The following RNLS variants were observed in gnomAD, a reference collection of about 807,000 sequenced individuals.
RNLS encodes renalase.
Under a neutral mutation model 39.8 loss-of-function variants are expected in RNLS, and 39 were observed. The ratio of observed to expected loss-of-function variants is 0.98; its 90% CI spans 0.76 to 1.28. The LOEUF (loss-of-function observed/expected upper bound fraction) is 1.28. Among genes scored for constraint, RNLS ranks in the 50% most tolerant of loss-of-function variants. The pLI is 0.00. For synonymous variants in RNLS, 147 were observed against 150.7 expected (o/e 0.98, Z 0.18); for missense variants, 410 against 413.3 (o/e 0.99, Z 0.07).
In RNLS at chr10:88,575,151, TATATATATACACAC is replaced by T. The variant is rs1347217168; in HGVS notation, c.368-2104_368-2091del. ...ATATATATATATATATATATATATA[TATATATATACACAC>T]ACACACACACACACATATTATATAT... On this transcript the variant is annotated intron_variant, in intron 3 of 6. Coordinates refer to ENST00000331772, the MANE Select transcript of RNLS (RefSeq NM_001031709.3). 0.014 allele frequency among the ~76,000 whole-genome samples: 656 copies of T among 46,770 alleles called. 10 individuals carry two copies. The East Asian group carries it at 0.15, about 10-fold the overall frequency. 30.7% of individuals were successfully genotyped at this position (46,770 alleles called of 152,430 possible).
In RNLS at chr10:88,465,315, C is replaced by T. The variant is rs1016132882; in HGVS notation, c.527-102590G>A. ...TTAAATTTTGTTTATTTATTCATCT[C>T]GTCATTGATTTACATAACAAATAAT... On this transcript the variant is annotated intron_variant, in intron 4 of 6. Coordinates refer to ENST00000331772, the MANE Select transcript of RNLS (RefSeq NM_001031709.3). Among the ~76,000 whole-genome samples, 6 of 152,042 alleles carry T rather than the reference C, an allele frequency of 3.9e-5. No individual in the cohort carries two copies. The East Asian group carries it at 5.8e-4, about 15-fold the overall frequency.
intron 4 of RNLS, among the ~76,000 whole-genome samples, chr10:88,389,586 G>C (rs1429749735): frequency 4.0e-5 from 1 of 24,990 alleles, no homozygotes; most frequent in Non-Finnish European, 8.2e-5. Flanking sequence ...GATCCTTTTA[G>C]GGATTTCTTA....
At chr10:88,199,726 G>C in the RNLS span, among the ~76,000 whole-genome samples, 1 of 152,238 alleles carries the variant, frequency 6.6e-6, no homozygotes, top group Non-Finnish European at 1.5e-5. Context: ...TTTTTGGTGA[G>C]AAGTAGAGGG....
At chr10:88,437,851 G>A (rs1020851518) in intron 4 of RNLS, among the ~76,000 whole-genome samples, 1 of 152,166 alleles carries the variant, frequency 6.6e-6, no homozygotes, top group African/African-American at 2.4e-5. Context: ...AGGAGGCCGG[G>A]CGTGGTGGCT....
intron 5 of RNLS, among the ~76,000 whole-genome samples, chr10:88,331,041 A>T (rs915397785): frequency 6.6e-5 from 10 of 152,218 alleles, no homozygotes; most frequent in African/African-American, 2.4e-4. Context: ...ATATAAGGAA[A>T]AAATTAACTT....
chr10:88,435,497 T>C (rs564596898), intron 4 of RNLS, among the ~76,000 whole-genome samples: 6 of 151,734 alleles, frequency 4.0e-5, no homozygotes, highest in Admixed American at 3.3e-4. Flanking sequence ...AAGTAAACAG[T>C]AGAACTAGTA....
At chr10:88,487,788 T>C (rs371131321) in intron 4 of RNLS, among the ~76,000 whole-genome samples, 1 of 152,152 alleles carries the variant, frequency 6.6e-6, no homozygotes, top group South Asian at 2.1e-4. Context: ...CAAATGATCA[T>C]AGCAGTTTGT....
At chr10:88,417,757 G>A (rs979479131) in intron 4 of RNLS, among the ~76,000 whole-genome samples, 4 of 152,166 alleles carry the variant, frequency 2.6e-5, no homozygotes, top group Non-Finnish European at 5.9e-5. Flanking sequence ...CATTAAAAAT[G>A]TTCTTCAAGC....
intron 5 of RNLS, among the ~76,000 whole-genome samples, chr10:88,329,535 A>T (rs1471331422): frequency 6.6e-6 from 1 of 151,860 alleles, no homozygotes; most frequent in East Asian, 1.9e-4. Flanking sequence ...CTGAAGACTT[A>T]ATTTTGTAAT....
chr10:88,511,562 T>C (rs533188222), intron 4 of RNLS, among the ~76,000 whole-genome samples: 1 of 152,036 alleles, frequency 6.6e-6, no homozygotes, highest in South Asian at 2.1e-4. Context: ...TGAGAAGGTA[T>C]AGATGGGGAA....
chr10:88,416,209 A>G (rs1029918078), intron 4 of RNLS, among the ~76,000 whole-genome samples: 1 of 149,642 alleles, frequency 6.7e-6, no homozygotes, highest in Admixed American at 6.7e-5. Context: ...TATGAAAAAA[A>G]TATATCTGAA....
At chr10:88,539,258 T>C (rs1430133688) in intron 4 of RNLS, among the ~76,000 whole-genome samples, 2 of 152,150 alleles carry the variant, frequency 1.3e-5, no homozygotes, top group Admixed American at 6.6e-5. Flanking sequence ...CAGTTTAAAA[T>C]GTTTACAGTT....
At chr10:88,575,289 T>C (rs1432888343) in intron 3 of RNLS, among the ~76,000 whole-genome samples, 4 of 149,682 alleles carry the variant, frequency 2.7e-5, no homozygotes, top group African/African-American at 7.4e-5. Context: ...TGTGTATATA[T>C]ATATATGTCA....
chr10:88,583,112 G>C lies in RNLS; in HGVS notation c.79C>G (p.Pro27Ala). ...TTGTCCCACACAGCAAGGTACAAGG[G>C]ACCGGACGTCTGCCTCCTCAGCAGC... ...AALLRRQTSG[P>A]LYLAVWDKAE... Residue 27 changes from proline (P) to alanine (A), a missense_variant, in exon 1 of 7, where the codon CCC becomes GCC. Transcript: ENST00000331772. 1.9e-6 allele frequency: 3 copies of C among 1,614,142 alleles called. No homozygotes were observed. The highest frequency in any genetic ancestry group is 1.7e-5 in the Admixed American group (1 of 60,030).
At chr10:88,224,687 C>G in the RNLS span, among the ~76,000 whole-genome samples, 25 of 152,286 alleles carry the variant, frequency 1.6e-4, no homozygotes, top group African/African-American at 5.5e-4. Context: ...GTAGCTCAAT[C>G]CCACTGTCAG....
At chr10:88,324,426 G>GTA (rs1589554576) in intron 5 of RNLS, among the ~76,000 whole-genome samples, 1 of 92,090 alleles carries the variant, frequency 1.1e-5, no homozygotes, top group African/African-American at 4.2e-5. Context: ...TGTGTCCTTT[G>GTA]CAAAAAAAAA....
At chr10:88,469,011 G>A (rs1163541080) in intron 4 of RNLS, among the ~76,000 whole-genome samples, 1 of 151,738 alleles carries the variant, frequency 6.6e-6, no homozygotes, top group Non-Finnish European at 1.5e-5. Flanking sequence ...TTAATGTCAG[G>A]GAAAATAAAT....
chr10:88,348,905 T>C (rs1223876578), intron 5 of RNLS, among the ~76,000 whole-genome samples: 2 of 152,238 alleles, frequency 1.3e-5, no homozygotes, highest in African/African-American at 4.8e-5. Flanking sequence ...TTCTATATAT[T>C]GTATAGATCC....
At position 88,380,363 on chromosome 10, in the gene RNLS, C is replaced by CTTTTT; in HGVS notation, c.527-17643_527-17639dup. Among the ~76,000 whole-genome samples the CTTTTT allele has an allele frequency of 2.7e-5, 2 of 73,156 alleles. 1 individual carries two copies. The highest frequency in any genetic ancestry group is 5.2e-5 in the Non-Finnish European group (2 of 38,610). 48.0% of individuals were successfully genotyped at this position (73,156 alleles called of 152,430 possible). A position where few individuals can be genotyped will look rare whatever the true frequency, so the allele number is the denominator to read the frequency against. ...ATTTTTTAGTCTTGGGGTTTTGTAT[C>CTTTTT]TTTTTTTTTTTTTTTTTTTTTTTTT... On this transcript the variant is annotated intron_variant, in intron 4 of 6. Coordinates refer to ENST00000331772, the MANE Select transcript of RNLS (RefSeq NM_001031709.3).
Sources: allele counts gnomAD v4.1 joint callset (sites outside exome capture counted in the v4.1 genomes callset), GRCh38; gene constraint gnomAD v4.1.1; transcripts MANE v1.5; gene names NCBI Gene and HGNC (gene_info 2026-07-23, HGNC 2026-07-21).